The following ST6GALNAC5 variants were observed in gnomAD, a reference collection of about 807,000 sequenced individuals.
ST6GALNAC5 encodes the protein alpha-N-acetylgalactosaminide alpha-2,6-sialyltransferase 5.
ST6GALNAC5 carries 27 observed loss-of-function variants against 33.6 expected under a neutral mutation model. The ratio of observed to expected loss-of-function variants is 0.80; its 90% CI spans 0.59 to 1.11. The LOEUF is 1.11. ST6GALNAC5 is among the 50% of genes least tolerant of loss of function. The pLI, the probability that ST6GALNAC5 is intolerant of heterozygous loss-of-function variation, is 0.00. For synonymous variants in ST6GALNAC5, 194 were observed against 171.2 expected (o/e 1.13, Z -1.04); for missense variants, 428 against 454.0 (o/e 0.94, Z 0.52).
chr1:76,910,469 A>G (rs1272779109), intron 2 of ST6GALNAC5, among the ~76,000 whole-genome samples: 1 of 152,084 alleles, frequency 6.6e-6, no homozygotes, highest in African/African-American at 2.4e-5. Context: ...AGAGAAATCA[A>G]CCAAACATTT....
intron 2 of ST6GALNAC5, among the ~76,000 whole-genome samples, chr1:76,914,947 C>G (rs1260353112): frequency 6.6e-6 from 1 of 151,314 alleles, no homozygotes; most frequent in Non-Finnish European, 1.5e-5. Context: ...ACTCATCTGA[C>G]AAAGGGCTAA....
chr1:77,042,048 C>T (rs925270567), intron 2 of ST6GALNAC5, among the ~76,000 whole-genome samples: 1 of 152,208 alleles, frequency 6.6e-6, no homozygotes, highest in African/African-American at 2.4e-5. Context: ...CAAATTTCAA[C>T]ACTGCCACCG....
chr1:76,988,354 A>C (rs1216103954), intron 2 of ST6GALNAC5, among the ~76,000 whole-genome samples: 1 of 152,020 alleles, frequency 6.6e-6, no homozygotes, highest in African/African-American at 2.4e-5. Flanking sequence ...CTCTATGGTC[A>C]GTTATCTTCA....
intron 2 of ST6GALNAC5, among the ~76,000 whole-genome samples, chr1:77,009,381 C>T (rs1194803204): frequency 1.3e-5 from 2 of 151,980 alleles, no homozygotes; most frequent in Non-Finnish European, 2.9e-5. Context: ...GGTATAGGAG[C>T]CATGTAAGTT....
intron 2 of ST6GALNAC5, among the ~76,000 whole-genome samples, chr1:76,986,383 C>T (rs988878304): frequency 2.0e-5 from 3 of 152,292 alleles, no homozygotes; most frequent in Non-Finnish European, 2.9e-5. Flanking sequence ...CAAAAGAAGA[C>T]ATCTATGCAG....
At position 76,954,236 on chromosome 1, in the gene ST6GALNAC5, G is replaced by A. The variant is rs1647862241; in HGVS notation, c.261+85494G>A. Among the ~76,000 whole-genome samples, 3 of 152,132 alleles carry A rather than the reference G, an allele frequency of 2.0e-5. No homozygotes were observed. In the South Asian group the frequency reaches 6.2e-4, roughly 32 times the overall value. ...AGATTATGTCCTTTGCAGGGACATG[G>A]ATGGAGCTGGAAGCCATAATCCTTA... is the stretch of plus-strand genomic sequence containing the variant. On this transcript the variant is annotated intron_variant, in intron 2 of 4. Coordinates refer to ENST00000477717, the MANE Select transcript of ST6GALNAC5 (RefSeq NM_030965.3).
chr1:77,009,257 T>C (rs1317364670), intron 2 of ST6GALNAC5, among the ~76,000 whole-genome samples: 1 of 152,214 alleles, frequency 6.6e-6, no homozygotes, highest in Non-Finnish European at 1.5e-5. Context: ...TCTTGTATTT[T>C]CCTCTTTGGA....
At chr1:76,888,952 A>T (rs1653956232) in intron 2 of ST6GALNAC5, among the ~76,000 whole-genome samples, 1 of 152,174 alleles carries the variant, frequency 6.6e-6, no homozygotes, top group South Asian at 2.1e-4. Flanking sequence ...AGCAATTTTT[A>T]AAATACAAAA....
At chr1:76,911,652 T>C (rs956591708) in intron 2 of ST6GALNAC5, among the ~76,000 whole-genome samples, 2 of 152,216 alleles carry the variant, frequency 1.3e-5, no homozygotes, top group African/African-American at 4.8e-5. Flanking sequence ...AGATTCAACT[T>C]CTTCCTGGTT....
Position 77,063,583 on chromosome 1 carries a change from A to G in ST6GALNAC5, c.*377A>G, listed in dbSNP as rs1443694173. On this transcript the variant is annotated 3_prime_UTR_variant, in exon 5 of 5. Transcript: ENST00000477717. Reference sequence around the variant, plus strand: ...CATACCATGTCAAAGACGTTTTTCTATCAAGTTGTATTCTTTCCTGTTCTA... The same window carrying G: ...CATACCATGTCAAAGACGTTTTTCTGTCAAGTTGTATTCTTTCCTGTTCTA... 1 of 228,198 alleles carries G rather than the reference A, an allele frequency of 4.4e-6. No homozygotes were observed. The highest frequency in any genetic ancestry group is 2.3e-5 in the African/African-American group (1 of 44,358). 14.1% of individuals were successfully genotyped at this position (228,198 alleles called of 1,614,324 possible).
intron 2 of ST6GALNAC5, among the ~76,000 whole-genome samples, chr1:76,920,258 A>G (rs1311040551): frequency 6.6e-6 from 1 of 152,170 alleles, no homozygotes; most frequent in East Asian, 1.9e-4. Context: ...TCTACAAAGA[A>G]ATAACAAAGC....
intron 2 of ST6GALNAC5, among the ~76,000 whole-genome samples, chr1:76,888,491 C>T (rs1653946057): frequency 6.6e-6 from 1 of 151,976 alleles, no homozygotes; most frequent in Admixed American, 6.6e-5. Flanking sequence ...ATAATCATCG[C>T]CTTTTAAGAG....
chr1:76,887,223 TTA>T (rs1310637281), intron 2 of ST6GALNAC5, among the ~76,000 whole-genome samples: 1 of 152,186 alleles, frequency 6.6e-6, no homozygotes, highest in East Asian at 1.9e-4. Flanking sequence ...TGTTTAAAAA[TTA>T]TATATGTTTT....
intron 2 of ST6GALNAC5, among the ~76,000 whole-genome samples, chr1:76,939,715 C>T (rs1038005473): frequency 6.6e-6 from 1 of 152,038 alleles, no homozygotes. Flanking sequence ...TACATTAGAC[C>T]TTCATTCATT....
intron 2 of ST6GALNAC5, among the ~76,000 whole-genome samples, chr1:76,922,829 G>A (rs1021469364): frequency 1.3e-5 from 2 of 151,822 alleles, no homozygotes; most frequent in South Asian, 2.1e-4. Context: ...CCAGCTACTC[G>A]GGAGGCTGAA....
chr1:76,962,191 T>C (rs146576709), intron 2 of ST6GALNAC5, among the ~76,000 whole-genome samples: 210 of 152,288 alleles, frequency 1.4e-3, no homozygotes, highest in Middle Eastern at 3.4e-3. Context: ...AAGATGAAAG[T>C]TGAGGAAGAA....
intron 4 of ST6GALNAC5, among the ~76,000 whole-genome samples, chr1:77,051,592 A>G (rs193171406): frequency 3.2e-4 from 49 of 152,338 alleles, no homozygotes; most frequent in Non-Finnish European, 5.4e-4. Flanking sequence ...TAAATAAGCT[A>G]ATACATGTGA....
intron 2 of ST6GALNAC5, among the ~76,000 whole-genome samples, chr1:76,895,610 A>T (rs562078712): frequency 6.6e-6 from 1 of 152,214 alleles, no homozygotes; most frequent in African/African-American, 2.4e-5. Context: ...TCCTGCCAGC[A>T]AAGATTATTT....
chr1:76,980,822 A>T (rs1408229801), intron 2 of ST6GALNAC5, among the ~76,000 whole-genome samples: 1 of 152,236 alleles, frequency 6.6e-6, no homozygotes, highest in Non-Finnish European at 1.5e-5. Flanking sequence ...ATGGATTCTT[A>T]GATGTGATAC....
Sources: allele counts gnomAD v4.1 joint callset (sites outside exome capture counted in the v4.1 genomes callset), GRCh38; gene constraint gnomAD v4.1.1; transcripts MANE v1.5; gene names NCBI Gene and HGNC (gene_info 2026-07-23, HGNC 2026-07-21).